ADAM18: variants seen among roughly 807,000 people sequenced by gnomAD.
ADAM18 encodes the protein disintegrin and metalloproteinase domain-containing protein 18.
Under a neutral mutation model 94.4 loss-of-function variants are expected in ADAM18, and 117 were observed. That is an observed-to-expected ratio of 1.24 (90% CI 1.07 to 1.45). The LOEUF is 1.45. ADAM18 is among the 40% of genes most tolerant of loss of function. ADAM18 has a pLI of 0.00. For synonymous variants in ADAM18, 327 were observed against 291.6 expected (o/e 1.12, Z -1.24); for missense variants, 936 against 880.0 (o/e 1.06, Z -0.81).
chr8:39,641,102 G>T (rs1820224768), intron 10 of ADAM18, among the ~76,000 whole-genome samples: 1 of 151,970 alleles, frequency 6.6e-6, no homozygotes, highest in South Asian at 2.1e-4. Context: ...TGTCCCAAAT[G>T]GTACTGCATA....
rs1297854201 is a variant in ADAM18 at position 39,645,202 on chromosome 8, T to A, written c.910-136T>A. The A allele has an allele frequency of 4.2e-6, 3 of 722,826 alleles. No homozygotes were observed. In the Admixed American group the frequency reaches 9.6e-5, roughly 23 times the overall value. The allele number at this position is 722,826 out of a possible 1,614,324, so 44.8% of individuals were successfully genotyped here. ...AATTACGGCAGATAAATAAATGGCATACCAAAATAATTGTTGTGAAGTATG... is the reference window on the plus strand; with the variant it reads ...AATTACGGCAGATAAATAAATGGCAAACCAAAATAATTGTTGTGAAGTATG... On this transcript the variant is annotated intron_variant, in intron 10 of 19. Coordinates refer to ENST00000265707, the MANE Select transcript of ADAM18 (RefSeq NM_014237.3).
At chr8:39,668,378 C>T (rs1158052515) in intron 14 of ADAM18, among the ~76,000 whole-genome samples, 182 bp downstream of exon 14, 5 of 152,060 alleles carry the variant, frequency 3.3e-5, no homozygotes, top group African/African-American at 1.2e-4. Context: ...AAAGACCATA[C>T]ATTATTTTTA....
At chr8:39,630,406 T>C (rs1042256089) in intron 7 of ADAM18, among the ~76,000 whole-genome samples, 1 of 151,338 alleles carries the variant, frequency 6.6e-6, no homozygotes, top group African/African-American at 2.4e-5. Context: ...TCTATATATA[T>C]ACTCACAAAG....
chr8:39,646,875 A>G (rs1820394380), intron 11 of ADAM18, among the ~76,000 whole-genome samples: 1 of 152,156 alleles, frequency 6.6e-6, no homozygotes, highest in South Asian at 2.1e-4. Context: ...GCTGTATAGA[A>G]AAATATTGAA....
intron 18 of ADAM18, among the ~76,000 whole-genome samples, chr8:39,718,381 T>C (rs1022188306): frequency 5.3e-5 from 8 of 151,606 alleles, no homozygotes; most frequent in Non-Finnish European, 1.2e-4. Flanking sequence ...ACTCAGCCTT[T>C]AAAATGAAAA....
At chr8:39,623,014 C>T (rs1178813569) in intron 6 of ADAM18, among the ~76,000 whole-genome samples, 1 of 151,912 alleles carries the variant, frequency 6.6e-6, no homozygotes, top group Non-Finnish European at 1.5e-5. Context: ...GCTTTTAATC[C>T]CTCACTCCCC....
intron 6 of ADAM18, among the ~76,000 whole-genome samples, chr8:39,626,859 T>C (rs1327887932): frequency 6.6e-6 from 1 of 152,188 alleles, no homozygotes; most frequent in Non-Finnish European, 1.5e-5. Flanking sequence ...TATGTGTTGA[T>C]GAGAAGAATA....
intron 14 of ADAM18, among the ~76,000 whole-genome samples, chr8:39,668,731 TATTC>T (rs1352895121): frequency 2.6e-5 from 4 of 152,138 alleles, no homozygotes; most frequent in African/African-American, 9.6e-5. Context: ...GGTGAGCAAT[TATTC>T]ATAATATCCA....
intron 18 of ADAM18, among the ~76,000 whole-genome samples, chr8:39,714,540 G>T (rs755002684): frequency 1.3e-5 from 2 of 152,060 alleles, no homozygotes; most frequent in Non-Finnish European, 2.9e-5. Context: ...TAAATGTAAA[G>T]ACACAGGTAA....
rs572179030 is a variant in ADAM18, at chr8:39,615,972, A to T, written c.522+5266A>T. 1.1e-4 allele frequency among the ~76,000 whole-genome samples: 17 copies of T among 152,356 alleles called. No individual in the cohort carries two copies. The South Asian group carries it at 3.1e-3, about 28-fold the overall frequency. ...ATCTCATTCACATTAGCCACAAAAA[A>T]AATATCTAGGAATATAGATAATCAG... On this transcript the variant is annotated intron_variant, in intron 6 of 19. Transcript: ENST00000265707.
chr8:39,698,099 T>A (rs1337753321), intron 17 of ADAM18, among the ~76,000 whole-genome samples: 3 of 151,908 alleles, frequency 2.0e-5, no homozygotes, highest in African/African-American at 7.2e-5. Flanking sequence ...TCCAAATACA[T>A]GTTAGATTTT....
In ADAM18 at chr8:39,667,478, T is replaced by G. The variant is rs139611033; in HGVS notation, c.1327-520T>G. 6.7e-3 allele frequency among the ~76,000 whole-genome samples: 1,018 copies of G among 152,196 alleles called. 12 individuals carry two copies. The highest frequency in any genetic ancestry group is 0.023 in the African/African-American group (957 of 41,532). On this transcript the variant is annotated intron_variant, in intron 13 of 19. Transcript: ENST00000265707. Reference sequence around the variant, plus strand: ...ACACTGCACTGCTTACTATGTATTGTTCTAAGAACTTTTTCCATTACTCCT... The same window carrying G: ...ACACTGCACTGCTTACTATGTATTGGTCTAAGAACTTTTTCCATTACTCCT...
intron 6 of ADAM18, among the ~76,000 whole-genome samples, chr8:39,625,352 A>G (rs1295666205): frequency 2.0e-5 from 3 of 152,148 alleles, no homozygotes. Context: ...TTGTTGGTGT[A>G]TAGCCATGCT....
At chr8:39,610,414 A>T in intron 5 of ADAM18, 115 bp from the exon 6 acceptor site, 1 of 1,255,390 alleles carries the variant, frequency 8.0e-7, no homozygotes, top group Non-Finnish European at 1.0e-6. Context: ...AAATGGGCTT[A>T]AAATGTGTTC....
At chr8:39,664,349 A>C (rs1820933723) in intron 13 of ADAM18, among the ~76,000 whole-genome samples, 1 of 152,194 alleles carries the variant, frequency 6.6e-6, no homozygotes, top group African/African-American at 2.4e-5. Flanking sequence ...AGAGATAATA[A>C]AAATATATGA....
chr8:39,679,853 T>A lies in ADAM18; in HGVS notation c.1632-184T>A, dbSNP rs147219687. Reference sequence around the variant, plus strand: ...CTTCACGCTGAGTTAAGCATATACATTTCAATTCTGCTATTAAGACAGTTG... The same window carrying A: ...CTTCACGCTGAGTTAAGCATATACAATTCAATTCTGCTATTAAGACAGTTG... On this transcript the variant is annotated intron_variant, in intron 15 of 19. Coordinates refer to ENST00000265707, the MANE Select transcript of ADAM18 (RefSeq NM_014237.3). Among the ~76,000 whole-genome samples the A allele has an allele frequency of 7.8e-3, 1,195 of 152,316 alleles. 16 individuals carry two copies. Among genetic ancestry groups the A allele is most frequent in the African/African-American group, 0.027 (1,131 of 41,580 alleles).
intron 15 of ADAM18, 102 bp from the exon 16 acceptor site, chr8:39,679,931 TGTTA>T: frequency 9.3e-7 from 1 of 1,076,572 alleles, no homozygotes; most frequent in South Asian, 1.4e-5. Flanking sequence ...ATTTTTCAGT[TGTTA>T]TACTATCAAT....
At chr8:39,600,343 G>A (rs1401466614) in intron 2 of ADAM18, among the ~76,000 whole-genome samples, 1 of 152,126 alleles carries the variant, frequency 6.6e-6, no homozygotes, top group Non-Finnish European at 1.5e-5. Context: ...AACTTGAGAA[G>A]TTGTCTAGAT....
chr8:39,711,196 G>A (rs1298816000), intron 18 of ADAM18, among the ~76,000 whole-genome samples: 3 of 152,152 alleles, frequency 2.0e-5, no homozygotes, highest in Admixed American at 2.0e-4. Flanking sequence ...AAAAAATACA[G>A]TCTTTGCAAA....
Sources: gnomAD v4.1 joint callset for allele counts (sites outside exome capture counted in the v4.1 genomes callset) on GRCh38, gnomAD v4.1.1 for gene constraint, MANE v1.5 for transcripts, NCBI Gene and HGNC (gene_info 2026-07-23, HGNC 2026-07-21) for gene names.